The following ZNF385D variants were observed in gnomAD, a reference collection of about 807,000 sequenced individuals.
The protein encoded by ZNF385D is zinc finger protein 659.
A neutral mutation model predicts 35.8 loss-of-function variants in ZNF385D; 15 were observed. That is an observed-to-expected ratio of 0.42 (90% confidence interval 0.28 to 0.64). The LOEUF is 0.64. Among genes scored for constraint, ZNF385D ranks in the 30% least tolerant of loss-of-function variants. The pLI is 0.23. For synonymous variants in ZNF385D, 212 were observed against 186.8 expected (o/e 1.13, Z -1.10); for missense variants, 474 against 494.6 (o/e 0.96, Z 0.39).
At chr3:21,888,494 A>G (rs1698670603) in intron 3 of ZNF385D, among the ~76,000 whole-genome samples, 1 of 152,148 alleles carries the variant, frequency 6.6e-6, no homozygotes, top group South Asian at 2.1e-4. Context: ...CATAAGTACC[A>G]GAGAGTAGAA....
chr3:21,985,398 G>A (rs1190382688), intron 3 of ZNF385D, among the ~76,000 whole-genome samples: 1 of 116,606 alleles, frequency 8.6e-6, no homozygotes, highest in African/African-American at 3.8e-5. Flanking sequence ...TTTTGTCAAA[G>A]GCTTTTTCTG....
intron 2 of ZNF385D, among the ~76,000 whole-genome samples, chr3:21,664,613 T>C (rs889340342): frequency 4.6e-5 from 7 of 152,182 alleles, no homozygotes; most frequent in Admixed American, 2.0e-4. Context: ...TACAAAGCTA[T>C]AGAATTGTTG....
intron 3 of ZNF385D, among the ~76,000 whole-genome samples, chr3:21,823,796 A>G (rs1311324479): frequency 6.6e-6 from 1 of 152,182 alleles, no homozygotes; most frequent in Non-Finnish European, 1.5e-5. Flanking sequence ...ATTGTGCCGC[A>G]TTGTCAGATA....
At chr3:21,551,403 C>T (rs767090617) in intron 3 of ZNF385D, among the ~76,000 whole-genome samples, 1 of 152,182 alleles carries the variant, frequency 6.6e-6, no homozygotes, top group Admixed American at 6.5e-5. Context: ...AGGAGTATGT[C>T]TCTTCTACCT....
intron 3 of ZNF385D, among the ~76,000 whole-genome samples, chr3:21,850,163 T>C (rs1452653163): frequency 4.3e-5 from 1 of 23,092 alleles, no homozygotes; most frequent in Admixed American, 5.6e-4. Context: ...GGATAATAGA[T>C]ATAAAAATGT....
chr3:21,957,387 A>C (rs1702348933), intron 3 of ZNF385D, among the ~76,000 whole-genome samples: 1 of 152,122 alleles, frequency 6.6e-6, no homozygotes, highest in African/African-American at 2.4e-5. Flanking sequence ...CGCTCAGAAA[A>C]AGACAGGAAA....
intron 3 of ZNF385D, among the ~76,000 whole-genome samples, chr3:21,902,735 T>A (rs139048029): frequency 1.3e-5 from 2 of 152,280 alleles, no homozygotes; most frequent in African/African-American, 4.8e-5. Flanking sequence ...TAAAAAACTG[T>A]TGCTAGATGA....
At chr3:21,870,755 C>T (rs143593021) in intron 3 of ZNF385D, among the ~76,000 whole-genome samples, 1 of 152,120 alleles carries the variant, frequency 6.6e-6, no homozygotes, top group Non-Finnish European at 1.5e-5. Flanking sequence ...CCCATTTCTG[C>T]TCTGTGAACT....
chr3:22,367,961 G>A lies in ZNF385D; in HGVS notation c.106+4489C>T, dbSNP rs113271349. Among the ~76,000 whole-genome samples the A allele has an allele frequency of 9.3e-3, 1,422 of 152,212 alleles. 19 individuals carry two copies. Among genetic ancestry groups the A allele is most frequent in the African/African-American group, 0.032 (1,320 of 41,540 alleles). ...AATAGGTCTAATGACGAATCAAGGCGCATCAAGATCAGTACTGTTTCCTGA... is the reference window on the plus strand; with the variant it reads ...AATAGGTCTAATGACGAATCAAGGCACATCAAGATCAGTACTGTTTCCTGA... On this transcript the variant is annotated intron_variant, in intron 2 of 5. Transcript: ENST00000494108.
chr3:22,364,990 A>G (rs932939587), intron 2 of ZNF385D, among the ~76,000 whole-genome samples: 10 of 143,850 alleles, frequency 7.0e-5, no homozygotes, highest in African/African-American at 2.7e-4. Flanking sequence ...GCCAATTACA[A>G]AAAGACAAAT....
intron 3 of ZNF385D, among the ~76,000 whole-genome samples, chr3:21,782,832 G>GT: frequency 6.6e-6 from 1 of 152,186 alleles, no homozygotes; most frequent in South Asian, 2.1e-4. Flanking sequence ...GTAGGTCATG[G>GT]TATGTTTTAT....
intron 3 of ZNF385D, among the ~76,000 whole-genome samples, chr3:21,809,043 A>G (rs2072783923): frequency 6.6e-6 from 1 of 152,218 alleles, no homozygotes; most frequent in African/African-American, 2.4e-5. Flanking sequence ...AACATAAAAT[A>G]TATGGAATAT....
Position 22,061,841 on chromosome 3 carries a change from C to A in ZNF385D, c.325+106976G>T, listed in dbSNP as rs186162494. The stretch of plus-strand genomic sequence containing the variant: ...ACAATCTGGATTACCTTTCTTTACA[C>A]ATCTAGTTATTTGTTTATTGATTGT... On this transcript the variant is annotated intron_variant, in intron 3 of 5. Coordinates refer to the ZNF385D transcript ENST00000494108. Among the ~76,000 whole-genome samples, 289 of 152,268 alleles carry A rather than the reference C, an allele frequency of 1.9e-3. 1 individual carries two copies. The highest frequency in any genetic ancestry group is 3.4e-3 in the Middle Eastern group (1 of 294).
In ZNF385D at chr3:21,567,677, A is replaced by C. The variant is rs1357356055; in HGVS notation, c.166-2993T>G. Among the ~76,000 whole-genome samples, 3 of 152,198 alleles carry C rather than the reference A, an allele frequency of 2.0e-5. No individual in the cohort carries two copies. In the South Asian group the frequency reaches 6.2e-4, roughly 32 times the overall value. ...AACGGGATGTGTTTCTATCGGGATA[A>C]GGTGAATTATGCCTATAACCCATTA... On this transcript the variant is annotated intron_variant, in intron 2 of 7. Coordinates refer to ENST00000281523, the MANE Select transcript of ZNF385D (RefSeq NM_024697.3).
chr3:21,591,912 C>G (rs921279978), intron 2 of ZNF385D, among the ~76,000 whole-genome samples: 8 of 152,080 alleles, frequency 5.3e-5, no homozygotes, highest in Admixed American at 3.3e-4. Context: ...TTTGTTTAAA[C>G]TTTTCCATCA....
At chr3:21,822,799 T>C (rs1004489238) in intron 3 of ZNF385D, among the ~76,000 whole-genome samples, 1 of 151,410 alleles carries the variant, frequency 6.6e-6, no homozygotes, top group Non-Finnish European at 1.5e-5. Flanking sequence ...TCGAAAACAA[T>C]GTTGAGTGAA....
chr3:21,932,381 G>C (rs1054752381), intron 3 of ZNF385D, among the ~76,000 whole-genome samples: 2 of 151,364 alleles, frequency 1.3e-5, no homozygotes, highest in East Asian at 1.9e-4. Flanking sequence ...ATATAACGCA[G>C]CACTCTGATT....
chr3:21,985,616 G>C (rs1171072773), intron 3 of ZNF385D, among the ~76,000 whole-genome samples: 3 of 142,474 alleles, frequency 2.1e-5, no homozygotes, highest in Admixed American at 6.9e-5. Flanking sequence ...AAGGGTATTG[G>C]TCTAAAATTC....
rs377546728 is a variant in ZNF385D, at chr3:21,579,236, C to T, written c.166-14552G>A. 3.0e-4 allele frequency: 46 copies of T among 152,236 alleles called. 1 individual carries two copies. The highest frequency in any genetic ancestry group is 1.1e-3 in the African/African-American group (44 of 41,554). 9.4% of individuals were successfully genotyped at this position (152,236 alleles called of 1,614,324 possible). ...TCAAGGAATGTCCTAGACAACATGG[C>T]ATTATTAATTGAAAAGGAAATATAT... On this transcript the variant is annotated intron_variant, in intron 2 of 7. Transcript: ENST00000281523.
Sources: gnomAD v4.1 joint callset for allele counts (sites outside exome capture counted in the v4.1 genomes callset) on GRCh38, gnomAD v4.1.1 for gene constraint, MANE v1.5 for transcripts, NCBI Gene and HGNC (gene_info 2026-07-23, HGNC 2026-07-21) for gene names.